The following GDAP2 variants were observed in gnomAD, a reference collection of about 807,000 sequenced individuals.
GDAP2 encodes ganglioside induced differentiation associated protein 2.
Under a neutral mutation model 67.0 loss-of-function variants are expected in GDAP2, and 51 were observed. The observed-to-expected ratio is 0.76, with a 90% confidence interval of 0.61 to 0.96. GDAP2 has a LOEUF of 0.96. Ranked by LOEUF, GDAP2 falls within the 40% of genes least tolerant of loss-of-function variation. The probability of loss-of-function intolerance (pLI) is 0.00; values close to 1 mark genes in which losing one functional copy is unlikely to be tolerated. For synonymous variants in GDAP2, 203 were observed against 207.3 expected, an observed-to-expected ratio of 0.98 and a Z score of 0.18; for missense variants, 547 against 588.3, an observed-to-expected ratio of 0.93 and a Z score of 0.73.
intron 6 of GDAP2, 25 bp from the exon 7 acceptor site, chr1:117,899,241 T>C (rs1015660958): frequency 7.6e-6 from 12 of 1,572,130 alleles, no homozygotes; most frequent in Admixed American, 3.3e-5. Context: ...CAAGACATTC[T>C]GTGAAAAATA....
Position 117,866,857 on chromosome 1 carries a change from G to C in GDAP2, c.*3712C>G. ...TGACCAAAAAAAAAAAAAAAGTACA[G>C]TAAGGCCCTTTAAAAAAAAAAAAGA... On this transcript the variant is annotated 3_prime_UTR_variant, in exon 14 of 14. Coordinates refer to ENST00000369443, the MANE Select transcript of GDAP2 (RefSeq NM_017686.4). 1 of 143,232 alleles carries C rather than the reference G, an allele frequency of 7.0e-6. No homozygotes were observed. Among genetic ancestry groups the C allele is most frequent in the East Asian group, 2.0e-4 (1 of 4,954 alleles). 8.9% of individuals were successfully genotyped at this position (143,232 alleles called of 1,614,324 possible).
At chr1:117,873,047 C>T (rs989644121) in intron 13 of GDAP2, among the ~76,000 whole-genome samples, 2 of 152,004 alleles carry the variant, frequency 1.3e-5, no homozygotes, top group Admixed American at 6.6e-5. Context: ...GTTTTTCACA[C>T]CTACATTAAA....
intron 1 of GDAP2, among the ~76,000 whole-genome samples, chr1:117,924,420 A>G (rs1013450124): frequency 6.6e-6 from 1 of 152,226 alleles, no homozygotes; most frequent in African/African-American, 2.4e-5. Flanking sequence ...GCTTAGGATA[A>G]TGGCCTCCAG....
chr1:117,910,522 T>G (rs185978612), intron 5 of GDAP2, among the ~76,000 whole-genome samples: 3 of 152,294 alleles, frequency 2.0e-5, no homozygotes, highest in East Asian at 3.9e-4. Context: ...TAAATAAGAC[T>G]AAGACTGAAC....
chr1:117,891,765 TA>T (rs1649092174), intron 8 of GDAP2, among the ~76,000 whole-genome samples: 1 of 145,584 alleles, frequency 6.9e-6, no homozygotes, highest in Non-Finnish European at 1.5e-5. Context: ...TCTTTGGTGG[TA>T]AATGCTTTTC....
rs1193978096 is a variant in GDAP2 at position 117,865,468 on chromosome 1, T to C, written c.*5101A>G. 1 of 152,248 alleles carries C rather than the reference T, an allele frequency of 6.6e-6. No homozygotes were observed. The highest frequency in any genetic ancestry group is 1.5e-5 in the Non-Finnish European group (1 of 68,038). 9.4% of individuals were successfully genotyped at this position (152,248 alleles called of 1,614,324 possible). ...TCAATTTAAGCATTTTTAGGTTTCCTTCGCCCAATACCAATTAAAATCATT... is the reference window on the plus strand; with the variant it reads ...TCAATTTAAGCATTTTTAGGTTTCCCTCGCCCAATACCAATTAAAATCATT... On this transcript the variant is annotated 3_prime_UTR_variant, in exon 14 of 14. Transcript: ENST00000369443.
At chr1:117,910,156 A>T (rs1181530927) in intron 5 of GDAP2, among the ~76,000 whole-genome samples, 1 of 152,140 alleles carries the variant, frequency 6.6e-6, no homozygotes, top group Non-Finnish European at 1.5e-5. Context: ...ATAATGAATC[A>T]TCTAGTATAA....
rs775397292 is a variant in GDAP2 at position 117,886,561 on chromosome 1, C to A, written c.1107+16G>T. On this transcript the variant is annotated intron_variant, in intron 10 of 13. Transcript: ENST00000369443. ...AATCAACATTGTTTGTAAAACAGAG[C>A]CTTTTTATGGCTTACCTTGTCCATA... The A allele has an allele frequency of 1.5e-6, 2 of 1,317,284 alleles. No individual in the cohort carries two copies. Among genetic ancestry groups the A allele is most frequent in the African/African-American group, 1.4e-5 (1 of 69,232 alleles). 81.6% of individuals were successfully genotyped at this position (1,317,284 alleles called of 1,614,324 possible).
chr1:117,891,505 G>A (rs1649083868), intron 8 of GDAP2, among the ~76,000 whole-genome samples: 1 of 152,112 alleles, frequency 6.6e-6, no homozygotes, highest in Admixed American at 6.6e-5. Flanking sequence ...TCTCTGGTCA[G>A]TAATGAGGTT....
chr1:117,917,761 G>A (rs1650100137), intron 3 of GDAP2, among the ~76,000 whole-genome samples: 1 of 152,176 alleles, frequency 6.6e-6, no homozygotes, highest in Non-Finnish European at 1.5e-5. Context: ...TAGCTCTTAT[G>A]TGTATGTAAG....
At chr1:117,912,104 A>C (rs1325362943) in intron 4 of GDAP2, 22 bp from the exon 5 acceptor site, 2 of 1,392,542 alleles carry the variant, frequency 1.4e-6, no homozygotes, top group Non-Finnish European at 2.0e-6. Context: ...GGAAAACACA[A>C]AAATTGCACT....
intron 11 of GDAP2, 64 bp downstream of exon 11, chr1:117,883,424 C>T: frequency 8.6e-7 from 1 of 1,166,234 alleles, no homozygotes; most frequent in Non-Finnish European, 1.3e-6. Flanking sequence ...GCAATGTTTG[C>T]CACTGCTTAA....
At chr1:117,902,089 G>A (rs1433499043) in intron 6 of GDAP2, among the ~76,000 whole-genome samples, 1 of 152,142 alleles carries the variant, frequency 6.6e-6, no homozygotes, top group East Asian at 1.9e-4. Context: ...TGTTCCTCCC[G>A]TGGCCCTGCA....
intron 11 of GDAP2, 40 bp from the exon 12 acceptor site, chr1:117,881,917 T>C (rs769180186): frequency 8.9e-7 from 1 of 1,123,074 alleles, no homozygotes; most frequent in South Asian, 1.2e-5. Flanking sequence ...TCAGTATAAG[T>C]TCATGCCTAA....
chr1:117,910,825 T>C (rs1649830890), intron 5 of GDAP2, among the ~76,000 whole-genome samples: 2 of 152,208 alleles, frequency 1.3e-5, no homozygotes, highest in Non-Finnish European at 2.9e-5. Context: ...TTTTCTTCCT[T>C]ATAACTTGGT....
chr1:117,898,702 T>C (rs1330139107), intron 7 of GDAP2, among the ~76,000 whole-genome samples: 3 of 152,302 alleles, frequency 2.0e-5, no homozygotes, highest in East Asian at 1.9e-4. Flanking sequence ...TAGTATTTAA[T>C]GTTAAGTATG....
At position 117,868,059 on chromosome 1, in the gene GDAP2, T is replaced by C. The variant is rs1202983837; in HGVS notation, c.*2510A>G. On this transcript the variant is annotated 3_prime_UTR_variant, in exon 14 of 14. Coordinates refer to ENST00000369443, the MANE Select transcript of GDAP2 (RefSeq NM_017686.4). Reference sequence around the variant, plus strand: ...GCTTTGAATTAACATCAGATGCTGGTGGTCATCTCCATCCAGTATCCCCTT... The same window carrying C: ...GCTTTGAATTAACATCAGATGCTGGCGGTCATCTCCATCCAGTATCCCCTT... The C allele has an allele frequency of 1.3e-5, 2 of 152,224 alleles. No individual in the cohort carries two copies. The highest frequency in any genetic ancestry group is 2.9e-5 in the Non-Finnish European group (2 of 68,038). The allele number at this position is 152,224 out of a possible 1,614,324, so 9.4% of individuals were successfully genotyped here. A position where few individuals can be genotyped will look rare whatever the true frequency, so the allele number is the denominator to read the frequency against.
rs1648060724 is a variant in GDAP2 at position 117,866,369 on chromosome 1, A to T, written c.*4200T>A. 1 of 152,172 alleles carries T rather than the reference A, an allele frequency of 6.6e-6. No individual in the cohort carries two copies. Among genetic ancestry groups the T allele is most frequent in the Admixed American group, 6.5e-5 (1 of 15,276 alleles). 9.4% of individuals were successfully genotyped at this position (152,172 alleles called of 1,614,324 possible). ...TCTCAGCCTCCAACTGTGAGAAATAAATGTGTTTTGTTACGCCACCCAGTT... is the reference window on the plus strand; with the variant it reads ...TCTCAGCCTCCAACTGTGAGAAATATATGTGTTTTGTTACGCCACCCAGTT... On this transcript the variant is annotated 3_prime_UTR_variant, in exon 14 of 14. Transcript: ENST00000369443.
rs1361921535 is a variant in GDAP2, at chr1:117,886,618, C to T, written c.1066G>A (p.Val356Ile). The T allele has an allele frequency of 5.7e-6, 9 of 1,592,500 alleles. No individual in the cohort carries two copies. Among genetic ancestry groups the T allele is most frequent in the Non-Finnish European group, 7.8e-6 (9 of 1,160,540 alleles). Residue 356 changes from valine to isoleucine, a missense_variant, in exon 10 of 14, where the codon GTT (valine) becomes ATT (isoleucine). Val to Ile is a conservative substitution (Grantham distance 29). Coordinates refer to ENST00000369443, the MANE Select transcript of GDAP2 (RefSeq NM_017686.4). ...AATGTTACAGGAATGTTTCTTCCAA[C>T]TACCACCATCACTGTTCGACCACAG... ...DNCGRTVMVV[V>I]GRNIPVTLID...
Sources: allele counts gnomAD v4.1 joint callset (sites outside exome capture counted in the v4.1 genomes callset), GRCh38; gene constraint gnomAD v4.1.1; transcripts MANE v1.5; gene names NCBI Gene and HGNC (gene_info 2026-07-23, HGNC 2026-07-21).